Variants in DMD observed in about 807,000 individuals in gnomAD.
DMD encodes the protein dystrophin, also known as mutant dystrophin.
In DMD, 63 loss-of-function variants were observed where a neutral mutation model predicts 330.1. The ratio of observed to expected loss-of-function variants is 0.19; its 90% CI spans 0.16 to 0.24. The LOEUF (loss-of-function observed/expected upper bound fraction) is 0.24. DMD is among the 10% of genes least tolerant of loss of function. DMD has a pLI of 1.00. For synonymous variants in DMD, 1,223 were observed against 959.8 expected (o/e 1.27, Z -5.07); for missense variants, 3,344 against 2,684.1 (o/e 1.25, Z -5.43).
At position 31,138,682 on chromosome X, in the gene DMD, A is replaced by T. The variant is rs1379483066; in HGVS notation, c.10922-4488T>A. 5.4e-4 allele frequency among the ~76,000 whole-genome samples: 33 copies of T among 61,165 alleles called. 3 individuals carry two copies. The highest frequency in any genetic ancestry group is 1.9e-3 in the East Asian group (4 of 2,071). The allele number at this position is 61,165 out of a possible 115,157, so 53.1% of individuals were successfully genotyped here. On this transcript the variant is annotated intron_variant, in intron 76 of 78. Coordinates refer to ENST00000357033, the MANE Select transcript of DMD (RefSeq NM_004006.3). ...GAGAGAGAGAGAGAGAGAGAGAGAGAGAGAGAAGGGGGAAGTGCCACACAC... is the reference window on the plus strand; with the variant it reads ...GAGAGAGAGAGAGAGAGAGAGAGAGTGAGAGAAGGGGGAAGTGCCACACAC...
intron 52 of DMD, among the ~76,000 whole-genome samples, chrX:31,716,551 C>CAACACAACAA (rs781765442): frequency 9.3e-6 from 1 of 107,525 alleles, no homozygotes; most frequent in Admixed American, 1.0e-4. Context: ...AACTCCATCT[C>CAACACAACAA]AACAAAACAA....
intron 9 of DMD, among the ~76,000 whole-genome samples, chrX:32,646,170 A>G (rs2059772276): frequency 8.9e-6 from 1 of 111,737 alleles, no homozygotes; most frequent in African/African-American, 3.3e-5. Context: ...AGAGATTTGC[A>G]TGCTATAGGA....
chrX:32,493,190 C>T (rs1300376343), intron 19 of DMD, among the ~76,000 whole-genome samples: 1 of 111,628 alleles, frequency 9.0e-6, no homozygotes, highest in Admixed American at 9.6e-5. Context: ...TCACTTCCCT[C>T]TGCCCTGATA....
At chrX:32,246,414 C>G (rs1275265416) in intron 43 of DMD, among the ~76,000 whole-genome samples, 1 of 82,282 alleles carries the variant, frequency 1.2e-5, no homozygotes, top group Non-Finnish European at 2.3e-5. Flanking sequence ...GGATATTGGT[C>G]TAAAATTCTC....
intron 2 of DMD, among the ~76,000 whole-genome samples, chrX:32,977,880 T>C (rs1185626672): frequency 9.0e-6 from 1 of 111,644 alleles, no homozygotes; most frequent in African/African-American, 3.3e-5. Context: ...TCTTATTTTA[T>C]AAATTGAATA....
At chrX:32,376,833 T>C (rs909946770) in intron 34 of DMD, among the ~76,000 whole-genome samples, 22 of 111,153 alleles carry the variant, frequency 2.0e-4, no homozygotes, top group African/African-American at 6.5e-4. Context: ...CAGACCAGAT[T>C]GCTTTTGATT....
chrX:32,862,616 T>A (rs776673031), intron 2 of DMD, among the ~76,000 whole-genome samples: 2 of 105,691 alleles, frequency 1.9e-5, no homozygotes, highest in South Asian at 8.2e-4. Context: ...ATGCTTTATC[T>A]TATATTTTTA....
chrX:32,485,184 G>A, intron 20 of DMD, 85 bp from the exon 21 acceptor site: 1 of 942,926 alleles, frequency 1.1e-6, no homozygotes. Flanking sequence ...AAAGCAGTAA[G>A]GCAAGTTTAG....
intron 1 of DMD, among the ~76,000 whole-genome samples, chrX:33,065,689 T>C (rs1360558442): frequency 8.9e-6 from 1 of 112,562 alleles, no homozygotes; most frequent in Non-Finnish European, 1.9e-5. Flanking sequence ...TTCATAACTT[T>C]ACTTCTTGCC....
intron 1 of DMD, among the ~76,000 whole-genome samples, chrX:33,030,008 CATT>C (rs2094078493): frequency 9.0e-6 from 1 of 111,591 alleles, no homozygotes; most frequent in African/African-American, 3.3e-5. Flanking sequence ...TTTCACATCT[CATT>C]ATCTCTGTGG....
At chrX:31,983,987 G>A (rs764738944) in intron 44 of DMD, among the ~76,000 whole-genome samples, 13 of 111,254 alleles carry the variant, frequency 1.2e-4, no homozygotes, top group Non-Finnish European at 2.5e-4. Flanking sequence ...GCTCTTTTCT[G>A]ACTCAAATAC....
chrX:32,584,056 C>A (rs2053955467), intron 13 of DMD, among the ~76,000 whole-genome samples: 1 of 110,661 alleles, frequency 9.0e-6, no homozygotes, highest in Non-Finnish European at 1.9e-5. Context: ...ATATAAACAG[C>A]AAAGAATACC....
chrX:32,947,860 G>A (rs2146892207), intron 2 of DMD, among the ~76,000 whole-genome samples: 1 of 111,319 alleles, frequency 9.0e-6, no homozygotes, highest in African/African-American at 3.3e-5. Flanking sequence ...CGGAAACCCA[G>A]CTTCCAGGAA....
In DMD at chrX:31,202,572, C is replaced by T. The variant is rs913981509; in HGVS notation, c.9807+1389G>A. Among the ~76,000 whole-genome samples, 10 of 111,947 alleles carry T rather than the reference C, an allele frequency of 8.9e-5. No homozygotes were observed. In the East Asian group the frequency reaches 2.5e-3, roughly 28 times the overall value. On this transcript the variant is annotated intron_variant, in intron 67 of 78. Coordinates refer to ENST00000357033, the MANE Select transcript of DMD (RefSeq NM_004006.3). Reference sequence around the variant, plus strand: ...AAATAAATACTCAAACTGCTTTAAACACCTAAATATTCACAGTGATCTGCC... The same window carrying T: ...AAATAAATACTCAAACTGCTTTAAATACCTAAATATTCACAGTGATCTGCC...
At position 32,102,642 on chromosome X, in the gene DMD, AT is replaced by A. The variant is rs762398378; in HGVS notation, c.6438+114273del. Among the ~76,000 whole-genome samples, 625 of 111,539 alleles carry A rather than the reference AT, an allele frequency of 5.6e-3. 1 individual carries two copies. The highest frequency in any genetic ancestry group is 0.02 in the African/African-American group (602 of 30,772). On this transcript the variant is annotated intron_variant, in intron 44 of 78. Transcript: ENST00000357033. The stretch of plus-strand genomic sequence containing the variant: ...TCGAGACAAATCTATATTTATTTAA[AT>A]GGGCAATATGGTTTGAGAACAGTTG...
chrX:32,619,314 G>A (rs763431476), intron 11 of DMD, among the ~76,000 whole-genome samples: 16 of 111,142 alleles, frequency 1.4e-4, no homozygotes, highest in African/African-American at 4.2e-4. Flanking sequence ...AGGTGGTTAT[G>A]GGGAAGGGGG....
At chrX:33,010,210 G>GCATATGTGTGTA (rs1569549269) in intron 2 of DMD, among the ~76,000 whole-genome samples, 1 of 46,968 alleles carries the variant, frequency 2.1e-5, no homozygotes, top group Admixed American at 1.9e-4. Context: ...ATATGTGTGT[G>GCATATGTGTGTA]TATATGTACA....
intron 60 of DMD, among the ~76,000 whole-genome samples, chrX:31,399,034 G>A (rs544942887): frequency 2.0e-4 from 22 of 111,289 alleles, no homozygotes; most frequent in East Asian, 2.8e-4. Context: ...GTGTTACAGC[G>A]CCCTTTTAGC....
chrX:31,299,965 A>G (rs753896771), intron 62 of DMD, among the ~76,000 whole-genome samples: 4 of 111,762 alleles, frequency 3.6e-5, no homozygotes, highest in African/African-American at 1.3e-4. Context: ...ACAAGAGGAA[A>G]CAAAAATAAT....
Sources: gnomAD v4.1 joint callset for allele counts (sites outside exome capture counted in the v4.1 genomes callset) on GRCh38, gnomAD v4.1.1 for gene constraint, MANE v1.5 for transcripts, NCBI Gene and HGNC (gene_info 2026-07-23, HGNC 2026-07-21) for gene names.